Variants in ABCC1 observed in about 807,000 individuals in gnomAD.
ABCC1 encodes the protein ATP binding cassette subfamily C member 1 (ABCC1 blood group), also known as multidrug resistance-associated protein 1.
In ABCC1, 83 loss-of-function variants were observed where a neutral mutation model predicts 172.9. The ratio of observed to expected loss-of-function variants is 0.48; its 90% CI spans 0.40 to 0.58. The LOEUF (loss-of-function observed/expected upper bound fraction) is 0.58, where lower values mean the gene tolerates loss of function less well. Ranked by LOEUF, ABCC1 falls within the 20% of genes least tolerant of loss-of-function variation. The pLI is 0.00. For synonymous variants in ABCC1, 937 were observed against 825.2 expected, an observed-to-expected ratio of 1.14 and a Z score of -2.32; for missense variants, 1,817 against 2,002.7, an observed-to-expected ratio of 0.91 and a Z score of 1.77.
intron 30 of ABCC1, among the ~76,000 whole-genome samples, chr16:16,140,182 C>G (rs1440685095): frequency 6.6e-6 from 1 of 152,042 alleles, no homozygotes; most frequent in Non-Finnish European, 1.5e-5. Flanking sequence ...GGCCATGTAC[C>G]TAGAGGTTGG....
In ABCC1 at chr16:16,068,222, G is replaced by A. The variant is rs1205826238; in HGVS notation, c.1744G>A (p.Ala582Thr). The A allele has an allele frequency of 3.1e-6, 5 of 1,614,182 alleles. No individual in the cohort carries two copies. The highest frequency in any genetic ancestry group is 4.5e-5 in the East Asian group (2 of 44,876). The change falls in exon 13 of 31, where the codon GCC (alanine) becomes ACC (threonine). Residue 582 changes from alanine (A) to threonine (T), a missense_variant. By Grantham distance (58) the Ala-to-Thr change is moderately conservative (BLOSUM62 0). Coordinates refer to ENST00000399410, the MANE Select transcript of ABCC1 (RefSeq NM_004996.4). ...DENNILDAQT[A>T]FVSLALFNIL... ...GAACAACATCCTGGATGCCCAGACA[G>A]CCTTCGTGTCTTTGGCCTTGTTCAA... is the stretch of plus-strand genomic sequence containing the variant.
chr16:16,105,016 A>G (rs1016877729), intron 20 of ABCC1, among the ~76,000 whole-genome samples: 9 of 150,506 alleles, frequency 6.0e-5, no homozygotes, highest in Admixed American at 2.0e-4. Flanking sequence ...CTCCCTCCAC[A>G]CCTCCCCGCA....
At chr16:16,032,241 G>A (rs1036457178) in intron 5 of ABCC1, among the ~76,000 whole-genome samples, 4 of 152,122 alleles carry the variant, frequency 2.6e-5, no homozygotes, top group Non-Finnish European at 5.9e-5. Context: ...TGCCTGCCTC[G>A]GTCTCCGAAA....
chr16:16,049,637 A>C (rs1366079190), intron 10 of ABCC1, among the ~76,000 whole-genome samples: 2 of 152,062 alleles, frequency 1.3e-5, no homozygotes, highest in African/African-American at 2.4e-5. Flanking sequence ...AGTCCCAATA[A>C]CTTTAGTATA....
intron 1 of ABCC1, among the ~76,000 whole-genome samples, chr16:16,003,720 G>C: frequency 8.7e-6 from 1 of 115,240 alleles, no homozygotes; most frequent in Admixed American, 8.3e-5. Flanking sequence ...AGGGTGGATG[G>C]GTGAATTGGT....
chr16:16,005,607 A>T (rs2047499882), intron 1 of ABCC1, among the ~76,000 whole-genome samples: 1 of 152,040 alleles, frequency 6.6e-6, no homozygotes, highest in Admixed American at 6.5e-5. Flanking sequence ...CGGCCTCCCA[A>T]AGTGCTGGGA....
At chr16:16,105,567 A>C (rs1157378452) in intron 20 of ABCC1, 1 of 152,216 alleles carries the variant, frequency 6.6e-6, no homozygotes, top group Non-Finnish European at 1.5e-5. Context: ...CTGGGGGTGC[A>C]GGGATGACTC....
At chr16:16,098,649 T>G (rs778748529) in intron 19 of ABCC1, among the ~76,000 whole-genome samples, 4 of 152,156 alleles carry the variant, frequency 2.6e-5, no homozygotes, top group Non-Finnish European at 5.9e-5. Flanking sequence ...AACACAGTTA[T>G]GACTTTGGAG....
intron 25 of ABCC1, 130 bp from the exon 26 acceptor site, chr16:16,125,680 G>C: frequency 1.6e-6 from 1 of 634,090 alleles, no homozygotes; most frequent in Non-Finnish European, 2.7e-6. Flanking sequence ...TGATCTGACC[G>C]CCTCAGCCTC....
intron 20 of ABCC1, among the ~76,000 whole-genome samples, chr16:16,103,847 C>A (rs189879756): frequency 6.6e-6 from 1 of 152,172 alleles, no homozygotes; most frequent in East Asian, 1.9e-4. Flanking sequence ...CTTGGTCTCA[C>A]TGACTTCAAG....
At position 16,092,568 on chromosome 16, in the gene ABCC1, C is replaced by T. The variant is rs114309836; in HGVS notation, c.2644+1980C>T. On this transcript the variant is annotated intron_variant, in intron 19 of 30. Coordinates refer to ENST00000399410, the MANE Select transcript of ABCC1 (RefSeq NM_004996.4). Reference sequence around the variant, plus strand: ...GTTGTAGCTTCATTTCCTTTTATTGCGGAATAATATGCCATTGTGCAGATA... The same window carrying T: ...GTTGTAGCTTCATTTCCTTTTATTGTGGAATAATATGCCATTGTGCAGATA... Among the ~76,000 whole-genome samples, 1,244 of 152,250 alleles carry T rather than the reference C, an allele frequency of 8.2e-3. 14 individuals are homozygous for T. Among genetic ancestry groups the T allele is most frequent in the African/African-American group, 0.028 (1,147 of 41,540 alleles).
intron 7 of ABCC1, among the ~76,000 whole-genome samples, chr16:16,041,377 A>G (rs2048972983): frequency 6.6e-6 from 1 of 152,104 alleles, no homozygotes; most frequent in African/African-American, 2.4e-5. Context: ...TGATCTTGCC[A>G]GGGAGGATGT....
chr16:16,078,750 C>T (rs2050688897), intron 15 of ABCC1, among the ~76,000 whole-genome samples: 1 of 152,194 alleles, frequency 6.6e-6, no homozygotes, highest in African/African-American at 2.4e-5. Flanking sequence ...GATCTCAGCT[C>T]ACTGTAACCT....
intron 5 of ABCC1, among the ~76,000 whole-genome samples, chr16:16,032,555 T>C (rs908931984): frequency 3.9e-5 from 6 of 152,176 alleles, no homozygotes; most frequent in African/African-American, 1.4e-4. Context: ...GTGGAGATAA[T>C]AGTAATACCA....
intron 1 of ABCC1, among the ~76,000 whole-genome samples, chr16:15,975,540 G>GT (rs1567281990): frequency 9.1e-6 from 1 of 110,194 alleles, no homozygotes; most frequent in African/African-American, 3.0e-5. Context: ...GTTTTGTGGT[G>GT]GTTTTTTTTG....
At chr16:16,039,239 A>G (rs201558349) in intron 7 of ABCC1, among the ~76,000 whole-genome samples, 1,836 of 119,520 alleles carry the variant, frequency 0.015, 40 homozygotes, top group African/African-American at 0.051. Context: ...GTGTGTATGT[A>G]TGTGTGTGTG....
chr16:16,042,285 A>G (rs903581751), intron 7 of ABCC1, among the ~76,000 whole-genome samples: 16 of 151,932 alleles, frequency 1.1e-4, no homozygotes, highest in South Asian at 4.1e-4. Flanking sequence ...AGGCTGGTAC[A>G]GGAATGTTCT....
At chr16:16,075,222 G>A in intron 14 of ABCC1, among the ~76,000 whole-genome samples, 1 of 152,084 alleles carries the variant, frequency 6.6e-6, no homozygotes, top group East Asian at 1.9e-4. Flanking sequence ...TGGGATTACA[G>A]GCATGAGCCC....
At chr16:15,969,065 G>A (rs58528863) in intron 1 of ABCC1, among the ~76,000 whole-genome samples, 187 of 152,100 alleles carry the variant, frequency 1.2e-3, no homozygotes, top group African/African-American at 4.3e-3. Context: ...AAAATTAACT[G>A]TGGTGGCGCT....
Sources: gnomAD v4.1 joint callset for allele counts (sites outside exome capture counted in the v4.1 genomes callset) on GRCh38, gnomAD v4.1.1 for gene constraint, MANE v1.5 for transcripts, NCBI Gene and HGNC (gene_info 2026-07-23, HGNC 2026-07-21) for gene names.